CAPZB: variants seen among roughly 807,000 people sequenced by gnomAD.
CAPZB encodes the protein capping actin protein of muscle Z-line subunit beta, also known as F-actin-capping protein subunit beta.
CAPZB carries 2 observed loss-of-function variants against 38.1 expected under a neutral mutation model. The ratio of observed to expected loss-of-function variants is 0.05; its 90% CI spans 0.02 to 0.17. CAPZB has a LOEUF of 0.17. CAPZB is among the 10% of genes least tolerant of loss of function. The probability of loss-of-function intolerance (pLI) is 1.00; values close to 1 mark genes in which losing one functional copy is unlikely to be tolerated. For missense variants in CAPZB, 161 were observed against 334.2 expected (o/e 0.48, Z 4.04); for synonymous variants, 107 against 127.4 (o/e 0.84, Z 1.08).
At chr1:19,348,437 G>C (rs1253426268) in intron 6 of CAPZB, among the ~76,000 whole-genome samples, 1 of 152,122 alleles carries the variant, frequency 6.6e-6, no homozygotes, top group African/African-American at 2.4e-5. Flanking sequence ...CTGCTTAAAA[G>C]GTCTGAACAC....
intron 2 of CAPZB, among the ~76,000 whole-genome samples, chr1:19,405,241 C>T (rs942314348): frequency 6.6e-6 from 1 of 152,068 alleles, no homozygotes; most frequent in Non-Finnish European, 1.5e-5. Flanking sequence ...GCCATATCGA[C>T]ATGTGGCCAG....
intron 1 of CAPZB, among the ~76,000 whole-genome samples, chr1:19,435,743 G>A (rs1413925138): frequency 1.3e-5 from 2 of 152,130 alleles, no homozygotes. Context: ...GGCAGAGCTG[G>A]GGTTCAAAGG....
Position 19,348,321 on chromosome 1 carries a change from G to A in CAPZB, c.589-3069C>T, listed in dbSNP as rs1200263780. The stretch of plus-strand genomic sequence containing the variant: ...AGGTCTTGCTATGTTGCCCAGGCTA[G>A]ACAGGAACTCCTGCAATCCTCCCAC... On this transcript the variant is annotated intron_variant, in intron 6 of 8. Coordinates refer to ENST00000264202, the MANE Select transcript of CAPZB (RefSeq NM_004930.5). 2.6e-5 allele frequency among the ~76,000 whole-genome samples: 4 copies of A among 151,928 alleles called. No homozygotes were observed. In the East Asian group the frequency reaches 7.7e-4, roughly 29 times the overall value.
chr1:19,450,712 C>T (rs1192128878), intron 1 of CAPZB, among the ~76,000 whole-genome samples: 2 of 152,166 alleles, frequency 1.3e-5, no homozygotes, highest in Admixed American at 1.3e-4. Context: ...GAAGCAAAAA[C>T]CTGAAAAACT....
chr1:19,393,765 G>A (rs946242338), intron 2 of CAPZB, among the ~76,000 whole-genome samples: 27 of 152,234 alleles, frequency 1.8e-4, no homozygotes, highest in Admixed American at 7.8e-4. Context: ...GGGCTGCAGG[G>A]CTGGGCTCTC....
At chr1:19,433,310 C>T (rs182891416) in intron 1 of CAPZB, among the ~76,000 whole-genome samples, 74 of 152,332 alleles carry the variant, frequency 4.9e-4, no homozygotes, top group Admixed American at 2.4e-3. Flanking sequence ...AAAGTGGAAG[C>T]TGAGTAAAGC....
At chr1:19,476,991 G>A (rs947141912) in intron 1 of CAPZB, among the ~76,000 whole-genome samples, 4 of 152,210 alleles carry the variant, frequency 2.6e-5, no homozygotes, top group African/African-American at 9.6e-5. Flanking sequence ...AACTAGCTGG[G>A]GGCCCTTCAG....
intron 1 of CAPZB, among the ~76,000 whole-genome samples, chr1:19,450,271 T>G (rs1335812089): frequency 3.3e-5 from 5 of 152,040 alleles, no homozygotes; most frequent in Non-Finnish European, 5.9e-5. Flanking sequence ...GCTGGGGACC[T>G]GAAGTGTTTT....
At chr1:19,406,016 A>G (rs10917444) in intron 2 of CAPZB, among the ~76,000 whole-genome samples, 2,512 of 152,296 alleles carry the variant, frequency 0.016, 72 homozygotes, top group African/African-American at 0.057. Flanking sequence ...GCCCCTTGGC[A>G]AGGCCTCTCT....
intron 1 of CAPZB, among the ~76,000 whole-genome samples, chr1:19,461,973 T>C (rs1395247177): frequency 6.6e-6 from 1 of 152,184 alleles, no homozygotes; most frequent in Non-Finnish European, 1.5e-5. Context: ...CTATTACTAC[T>C]GATTCTATTA....
chr1:19,394,458 C>T (rs1480504625), intron 2 of CAPZB, among the ~76,000 whole-genome samples: 6 of 152,198 alleles, frequency 3.9e-5, no homozygotes, highest in African/African-American at 1.4e-4. Flanking sequence ...CAGTGGCTCA[C>T]GCCTGTAATC....
intron 2 of CAPZB, among the ~76,000 whole-genome samples, chr1:19,395,595 G>A (rs969730983): frequency 6.6e-6 from 1 of 152,164 alleles, no homozygotes; most frequent in Non-Finnish European, 1.5e-5. Context: ...CTACATTTGG[G>A]TCAACCACAG....
chr1:19,339,632 A>T lies in CAPZB; in HGVS notation c.732-15T>A. 6.3e-7 allele frequency: 1 copy of T among 1,594,146 alleles called. No homozygotes were observed. On this transcript the variant is annotated splice_polypyrimidine_tract_variant and intron_variant, in intron 8 of 8. Coordinates refer to ENST00000264202, the MANE Select transcript of CAPZB (RefSeq NM_004930.5). ...TCTGCACAGACCTGCAAGGGAGGAA[A>T]GGCGTTATCAGCAGATTGAACAGGG... is the stretch of plus-strand genomic sequence containing the variant.
chr1:19,468,739 T>C (rs1488389045), intron 1 of CAPZB, among the ~76,000 whole-genome samples: 1 of 152,024 alleles, frequency 6.6e-6, no homozygotes, highest in Non-Finnish European at 1.5e-5. Flanking sequence ...GAGTTTAAAT[T>C]AGTCATTTCC....
At chr1:19,388,223 C>T (rs1476827640) in intron 2 of CAPZB, among the ~76,000 whole-genome samples, 1 of 152,206 alleles carries the variant, frequency 6.6e-6, no homozygotes, top group African/African-American at 2.4e-5. Flanking sequence ...CTTCCTAGCA[C>T]TTAACACCAG....
chr1:19,471,589 G>C (rs921289160), intron 1 of CAPZB, among the ~76,000 whole-genome samples: 1 of 125,772 alleles, frequency 8.0e-6, no homozygotes, highest in Admixed American at 8.0e-5. Flanking sequence ...CCTCGGCTGG[G>C]CGCTGTGGCT....
intron 4 of CAPZB, among the ~76,000 whole-genome samples, chr1:19,378,337 G>A (rs1380317469): frequency 6.6e-6 from 1 of 152,156 alleles, no homozygotes; most frequent in Non-Finnish European, 1.5e-5. Flanking sequence ...ACCACCAAAC[G>A]AGTGCCCTGC....
chr1:19,359,645 G>T (rs1226607719), intron 4 of CAPZB, among the ~76,000 whole-genome samples: 1 of 152,224 alleles, frequency 6.6e-6, no homozygotes, highest in Admixed American at 6.5e-5. Context: ...GTCACTCAGG[G>T]AACACCTGTC....
chr1:19,438,364 G>T (rs926270921), intron 1 of CAPZB, among the ~76,000 whole-genome samples: 4 of 152,178 alleles, frequency 2.6e-5, no homozygotes, highest in African/African-American at 9.7e-5. Context: ...CAGAAAGTCA[G>T]GGAAAGGAAA....
Sources: allele counts gnomAD v4.1 joint callset (sites outside exome capture counted in the v4.1 genomes callset), GRCh38; gene constraint gnomAD v4.1.1; transcripts MANE v1.5; gene names NCBI Gene and HGNC (gene_info 2026-07-23, HGNC 2026-07-21).